FIGN: variants seen among roughly 807,000 people sequenced by gnomAD.
FIGN encodes fidgetin.
Under a neutral mutation model 51.3 loss-of-function variants are expected in FIGN, and 11 were observed. That is an observed-to-expected ratio of 0.21 (90% CI 0.13 to 0.35). FIGN has a LOEUF of 0.35. Ranked by LOEUF, FIGN falls within the 10% of genes least tolerant of loss-of-function variation. The pLI is 1.00. For synonymous variants in FIGN, 407 were observed against 363.2 expected (o/e 1.12, Z -1.37); for missense variants, 857 against 943.6 (o/e 0.91, Z 1.20).
chr2:163,693,572 A>G (rs1684269959), intron 2 of FIGN, among the ~76,000 whole-genome samples: 1 of 152,188 alleles, frequency 6.6e-6, no homozygotes. Context: ...ATTTAAAGGA[A>G]CCAAAATTAG....
At chr2:163,655,096 C>T (rs766784060) in intron 2 of FIGN, among the ~76,000 whole-genome samples, 4 of 151,660 alleles carry the variant, frequency 2.6e-5, no homozygotes, top group East Asian at 1.9e-4. Context: ...ACTCAAGAGA[C>T]GTTTTATTTT....
intron 2 of FIGN, among the ~76,000 whole-genome samples, chr2:163,681,512 A>G (rs1212764678): frequency 6.6e-6 from 1 of 152,188 alleles, no homozygotes; most frequent in Non-Finnish European, 1.5e-5. Flanking sequence ...GATGTTCAAG[A>G]TCAGCCTGGG....
chr2:163,659,004 G>A (rs577941644), intron 2 of FIGN, among the ~76,000 whole-genome samples: 103 of 152,204 alleles, frequency 6.8e-4, no homozygotes, highest in Non-Finnish European at 1.3e-3. Context: ...AGTCAGAACA[G>A]CCACATCATC....
chr2:163,716,249 C>T (rs547839910), intron 2 of FIGN, among the ~76,000 whole-genome samples: 1 of 152,312 alleles, frequency 6.6e-6, no homozygotes, highest in South Asian at 2.1e-4. Context: ...TCTGAATCTT[C>T]CACAAGTCCA....
chr2:163,681,804 C>CTTA (rs1299369071), intron 2 of FIGN, among the ~76,000 whole-genome samples: 9 of 152,260 alleles, frequency 5.9e-5, no homozygotes, highest in Admixed American at 2.0e-4. Flanking sequence ...TTCCTACTGG[C>CTTA]TTATGAAGAA....
At chr2:163,701,084 C>T (rs1684401300) in intron 2 of FIGN, among the ~76,000 whole-genome samples, 1 of 152,044 alleles carries the variant, frequency 6.6e-6, no homozygotes, top group African/African-American at 2.4e-5. Flanking sequence ...ATTTGCATTT[C>T]TTATCTCCCT....
chr2:163,683,437 G>A (rs1383084847), intron 2 of FIGN, among the ~76,000 whole-genome samples: 4 of 152,146 alleles, frequency 2.6e-5, no homozygotes, highest in Non-Finnish European at 4.4e-5. Flanking sequence ...TAGATATTAA[G>A]CTATAAAGGC....
intron 2 of FIGN, among the ~76,000 whole-genome samples, chr2:163,659,979 G>A (rs1683624324): frequency 6.6e-6 from 1 of 152,078 alleles, no homozygotes; most frequent in South Asian, 2.1e-4. Context: ...GCACAAGCCT[G>A]TAATCCCAGT....
intron 2 of FIGN, 84 bp from the exon 3 acceptor site, chr2:163,611,890 C>G: frequency 8.5e-7 from 1 of 1,169,784 alleles, no homozygotes. Flanking sequence ...TCTTTTGTTA[C>G]CTATTATTTT....
intron 2 of FIGN, among the ~76,000 whole-genome samples, chr2:163,724,306 T>C (rs931187787): frequency 2.6e-5 from 4 of 152,318 alleles, no homozygotes; most frequent in South Asian, 4.1e-4. Flanking sequence ...TGATGAGCTA[T>C]CTGTACATGT....
chr2:163,644,221 T>C (rs1332579300), intron 2 of FIGN, among the ~76,000 whole-genome samples: 3 of 152,202 alleles, frequency 2.0e-5, no homozygotes, highest in Admixed American at 6.5e-5. Flanking sequence ...TAAAGATTAC[T>C]TAAAGCTGAA....
chr2:163,616,408 C>A (rs1682878556), intron 2 of FIGN, among the ~76,000 whole-genome samples: 1 of 152,108 alleles, frequency 6.6e-6, no homozygotes, highest in African/African-American at 2.4e-5. Flanking sequence ...CACTCACTAC[C>A]CAACCCACTC....
In FIGN at chr2:163,676,674, T is replaced by C. The variant is rs538023188; in HGVS notation, c.25+58229A>G. 2.6e-5 allele frequency among the ~76,000 whole-genome samples: 4 copies of C among 152,032 alleles called. No individual in the cohort carries two copies. In the East Asian group the frequency reaches 7.8e-4, roughly 29 times the overall value. Reference sequence around the variant, plus strand: ...CAGTTCATATTTTGAAGCTGATAAATATCAGCTCTGTGGTTAAGTTTGTCT... The same window carrying C: ...CAGTTCATATTTTGAAGCTGATAAACATCAGCTCTGTGGTTAAGTTTGTCT... On this transcript the variant is annotated intron_variant, in intron 2 of 2. Coordinates refer to ENST00000333129, the MANE Select transcript of FIGN (RefSeq NM_018086.4).
At chr2:163,635,890 G>A (rs965474568) in intron 2 of FIGN, among the ~76,000 whole-genome samples, 1 of 152,058 alleles carries the variant, frequency 6.6e-6, no homozygotes, top group African/African-American at 2.4e-5. Context: ...GCATCAGAGG[G>A]AACTGATCTT....
chr2:163,693,135 T>C (rs1468439529), intron 2 of FIGN, among the ~76,000 whole-genome samples: 1 of 152,162 alleles, frequency 6.6e-6, no homozygotes, highest in East Asian at 1.9e-4. Flanking sequence ...CACCTCTAAT[T>C]TCCAAGTGAA....
intron 2 of FIGN, among the ~76,000 whole-genome samples, chr2:163,628,445 TGCATGG>T (rs1209588317): frequency 1.3e-5 from 2 of 152,166 alleles, no homozygotes; most frequent in Non-Finnish European, 2.9e-5. Flanking sequence ...TATATGTCTA[TGCATGG>T]GGGGACCAGA....
At position 163,734,946 on chromosome 2, in the gene FIGN, A is replaced by G; in HGVS notation, c.-19T>C. On this transcript the variant is annotated 5_prime_UTR_variant, in exon 2 of 3. Coordinates refer to ENST00000333129, the MANE Select transcript of FIGN (RefSeq NM_018086.4). ...TGATCATTTCTTGCTGGCAGCACAA[A>G]AAGCTGAATTGGATTTCTCACAAGC... is the stretch of plus-strand genomic sequence containing the variant. The G allele has an allele frequency of 6.2e-7, 1 of 1,611,526 alleles. No individual in the cohort carries two copies. The highest frequency in any genetic ancestry group is 8.5e-7 in the Non-Finnish European group (1 of 1,179,120).
chr2:163,697,947 C>A (rs1684349392), intron 2 of FIGN, among the ~76,000 whole-genome samples: 1 of 152,140 alleles, frequency 6.6e-6, no homozygotes, highest in South Asian at 2.1e-4. Flanking sequence ...ATTTCCCTAT[C>A]ATCCTCTTGA....
chr2:163,610,572 C>T lies in FIGN; in HGVS notation c.1260G>A (p.Gly420=), dbSNP rs1225355644. 1.9e-6 allele frequency: 3 copies of T among 1,614,166 alleles called. No individual in the cohort carries two copies. In the South Asian group the frequency reaches 3.3e-5, roughly 18 times the overall value. ...CACTCATTACTGGCGATGTGTACTT[C>T]CCAAAGGATTCACTGGATCTTGATC... The part of the protein sequence containing the change: ...SLGSRSSESF[G]KYTSPVMSEH... Residue 420 remains glycine, a synonymous_variant, in exon 3 of 3, where the codon GGG becomes GGA. Coordinates refer to ENST00000333129, the MANE Select transcript of FIGN (RefSeq NM_018086.4).
Sources: gnomAD v4.1 joint callset for allele counts (sites outside exome capture counted in the v4.1 genomes callset) on GRCh38, gnomAD v4.1.1 for gene constraint, MANE v1.5 for transcripts, NCBI Gene and HGNC (gene_info 2026-07-23, HGNC 2026-07-21) for gene names.